The following UBE2H variants were observed in gnomAD, a reference collection of about 807,000 sequenced individuals.
UBE2H encodes ubiquitin conjugating enzyme E2 H, also known as ubiquitin-conjugating enzyme E2 H.
In UBE2H, 3 loss-of-function variants were observed where a neutral mutation model predicts 29.0. The ratio of observed to expected loss-of-function variants is 0.10; its 90% CI spans 0.05 to 0.27. The LOEUF (loss-of-function observed/expected upper bound fraction) is 0.27, where lower values mean the gene tolerates loss of function less well. Ranked by LOEUF, UBE2H falls within the 10% of genes least tolerant of loss-of-function variation. The probability of loss-of-function intolerance (pLI) is 1.00; values close to 1 mark genes in which losing one functional copy is unlikely to be tolerated. For missense variants in UBE2H, 68 were observed against 228.2 expected (o/e 0.30, Z 4.52); for synonymous variants, 69 against 82.9 (o/e 0.83, Z 0.91).
At chr7:129,928,742 C>G (rs2116487714) in intron 1 of UBE2H, among the ~76,000 whole-genome samples, 1 of 152,020 alleles carries the variant, frequency 6.6e-6, no homozygotes, top group South Asian at 2.1e-4. Context: ...TTGAATACAT[C>G]TATAGAAGTA....
intron 1 of UBE2H, among the ~76,000 whole-genome samples, chr7:129,940,296 G>A (rs974016500): frequency 1.3e-5 from 2 of 152,106 alleles, no homozygotes; most frequent in African/African-American, 2.4e-5. Flanking sequence ...CACATATAAT[G>A]CTTCCCTAAA....
chr7:129,943,965 TA>T (rs894635411), intron 1 of UBE2H, among the ~76,000 whole-genome samples: 5 of 152,202 alleles, frequency 3.3e-5, no homozygotes, highest in East Asian at 3.9e-4. Context: ...GTTTTATTGA[TA>T]AAAAAATTAA....
intron 3 of UBE2H, among the ~76,000 whole-genome samples, chr7:129,871,713 C>CAAATAAA (rs1554433111): frequency 7.7e-4 from 96 of 124,398 alleles, no homozygotes; most frequent in Middle Eastern, 4.6e-3. Context: ...GACTCTGTAT[C>CAAATAAA]AAAAAAAAAA....
intron 6 of UBE2H, among the ~76,000 whole-genome samples, chr7:129,838,140 C>T (rs1174822122): frequency 6.6e-6 from 1 of 152,144 alleles, no homozygotes; most frequent in Non-Finnish European, 1.5e-5. Context: ...ATATATTTTG[C>T]TACATAAATT....
At chr7:129,850,210 A>G (rs1805584958) in intron 5 of UBE2H, among the ~76,000 whole-genome samples, 1 of 152,010 alleles carries the variant, frequency 6.6e-6, no homozygotes. Context: ...TCTAGTATAA[A>G]TAAAAAATTA....
chr7:129,894,819 T>C (rs1806569053), intron 1 of UBE2H, among the ~76,000 whole-genome samples: 1 of 152,074 alleles, frequency 6.6e-6, no homozygotes, highest in African/African-American at 2.4e-5. Context: ...TTTAACTTCT[T>C]TTCTCAAAGT....
intron 1 of UBE2H, among the ~76,000 whole-genome samples, chr7:129,901,114 T>C (rs760336959): frequency 1.3e-5 from 2 of 152,234 alleles, no homozygotes; most frequent in South Asian, 2.1e-4. Context: ...ACTAAATTAA[T>C]AAGAAACCAA....
chr7:129,871,470 T>C (rs1478537142), intron 3 of UBE2H, among the ~76,000 whole-genome samples: 1 of 152,176 alleles, frequency 6.6e-6, no homozygotes, highest in Non-Finnish European at 1.5e-5. Context: ...ATCCCAGCAC[T>C]TTGGGAGGCC....
chr7:129,952,505 C>T lies in UBE2H; in HGVS notation c.51G>A (p.Lys17=), dbSNP rs891061104. 13 of 1,612,806 alleles carry T rather than the reference C, an allele frequency of 8.1e-6. No individual in the cohort carries two copies. The highest frequency in any genetic ancestry group is 6.7e-5 in the African/African-American group (5 of 74,912). Residue 17 remains lysine, a splice_region_variant and synonymous_variant, in exon 1 of 7, where the codon AAG becomes AAA. Transcript: ENST00000355621. ...GAATTCCCCTCCACGAAGGATACAG[C>T]TTGACCACGTCCGTGTCCATCCGCC... ...GKRRMDTDVV[K]LIESKHEVTI...
intron 1 of UBE2H, among the ~76,000 whole-genome samples, chr7:129,929,571 G>C (rs12533468): frequency 0.13 from 19,485 of 152,114 alleles, 1,580 homozygotes; most frequent in East Asian, 0.3. Context: ...AAAGGTCTCA[G>C]AATCTATAAA....
At chr7:129,873,265 C>T (rs1477806766) in intron 3 of UBE2H, among the ~76,000 whole-genome samples, 2 of 151,790 alleles carry the variant, frequency 1.3e-5, no homozygotes, top group African/African-American at 2.4e-5. Flanking sequence ...GTGATCCACC[C>T]GCCTCAGCCT....
At chr7:129,941,005 AGTACAAT>A (rs778155419) in intron 1 of UBE2H, among the ~76,000 whole-genome samples, 11 of 151,872 alleles carry the variant, frequency 7.2e-5, no homozygotes, top group Non-Finnish European at 1.3e-4. Context: ...CCCAGGCTGT[AGTACAAT>A]GGCACCATCT....
intron 1 of UBE2H, among the ~76,000 whole-genome samples, chr7:129,946,054 ATTAT>A (rs1807755858): frequency 7.0e-5 from 2 of 28,526 alleles, no homozygotes; most frequent in Admixed American, 5.0e-4. Flanking sequence ...CCTAGTCATT[ATTAT>A]TTTTTTTTTT....
intron 1 of UBE2H, among the ~76,000 whole-genome samples, chr7:129,933,027 G>A (rs1807441803): frequency 6.6e-6 from 1 of 151,908 alleles, no homozygotes; most frequent in Non-Finnish European, 1.5e-5. Context: ...CACAAACAAA[G>A]AAAAACAAAA....
At position 129,831,783 on chromosome 7, in the gene UBE2H, T is replaced by A. The variant is rs553912674; in HGVS notation, c.*3154A>T. ...CCAAAAGCCCCCCGGTGCTGGGGCT[T>A]CCAGAGGGAGCCCAAGGGTGGTGGA... On this transcript the variant is annotated 3_prime_UTR_variant, in exon 7 of 7. Coordinates refer to ENST00000355621, the MANE Select transcript of UBE2H (RefSeq NM_003344.4). 6.6e-6 allele frequency: 1 copy of A among 152,300 alleles called. No individual in the cohort carries two copies. The highest frequency in any genetic ancestry group is 1.9e-4 in the East Asian group (1 of 5,194). The allele number at this position is 152,300 out of a possible 1,614,324, so 9.4% of individuals were successfully genotyped here.
At chr7:129,919,672 C>T (rs952598502) in intron 1 of UBE2H, among the ~76,000 whole-genome samples, 1 of 152,198 alleles carries the variant, frequency 6.6e-6, no homozygotes, top group Admixed American at 6.5e-5. Flanking sequence ...CATTGCACCC[C>T]GTTGTGTGTC....
chr7:129,924,525 A>C (rs1807225411), intron 1 of UBE2H, among the ~76,000 whole-genome samples: 1 of 152,060 alleles, frequency 6.6e-6, no homozygotes, highest in East Asian at 1.9e-4. Context: ...TAAGATTCAA[A>C]ATGAGATTTT....
chr7:129,939,873 C>G (rs1584799294), intron 1 of UBE2H, among the ~76,000 whole-genome samples: 1 of 151,720 alleles, frequency 6.6e-6, no homozygotes, highest in Non-Finnish European at 1.5e-5. Flanking sequence ...GCAGGAGAAT[C>G]GCTTGAACCT....
chr7:129,847,196 C>T (rs1465381436), intron 5 of UBE2H, among the ~76,000 whole-genome samples: 2 of 152,108 alleles, frequency 1.3e-5, no homozygotes, highest in Non-Finnish European at 1.5e-5. Flanking sequence ...CAGGTGCACG[C>T]CCAGCTAATT....
Sources: allele counts gnomAD v4.1 joint callset (sites outside exome capture counted in the v4.1 genomes callset), GRCh38; gene constraint gnomAD v4.1.1; transcripts MANE v1.5; gene names NCBI Gene and HGNC (gene_info 2026-07-23, HGNC 2026-07-21).